MEGF6: variants seen among roughly 807,000 people sequenced by gnomAD.
MEGF6 encodes the protein multiple epidermal growth factor-like domains protein 6.
A neutral mutation model predicts 207.1 loss-of-function variants in MEGF6; 184 were observed. The ratio of observed to expected loss-of-function variants is 0.89; its 90% CI spans 0.79 to 1.00. The LOEUF is 1.00. MEGF6 is among the 50% of genes least tolerant of loss of function. The probability of loss-of-function intolerance (pLI) is 0.00; values close to 1 mark genes in which losing one functional copy is unlikely to be tolerated. For missense variants in MEGF6, 2,282 were observed against 2,202.9 expected, an observed-to-expected ratio of 1.04 and a Z score of -0.72; for synonymous variants, 1,038 against 910.0, an observed-to-expected ratio of 1.14 and a Z score of -2.53.
chr1:3,545,987 G>A (rs577642284), intron 4 of MEGF6, among the ~76,000 whole-genome samples: 5 of 152,276 alleles, frequency 3.3e-5, no homozygotes, highest in Admixed American at 1.3e-4. Flanking sequence ...TGGAGACAGC[G>A]TTGCGTTTGG....
chr1:3,566,636 C>T (rs1237764690), intron 4 of MEGF6, among the ~76,000 whole-genome samples: 1 of 152,166 alleles, frequency 6.6e-6, no homozygotes, highest in Non-Finnish European at 1.5e-5. Flanking sequence ...CGGGGCCCTT[C>T]CCCCAACGCA....
chr1:3,529,041 G>A (rs573420875), intron 4 of MEGF6, among the ~76,000 whole-genome samples: 14 of 152,314 alleles, frequency 9.2e-5, no homozygotes, highest in African/African-American at 3.1e-4. Context: ...CCGGCCCCCC[G>A]ACTCCTGTGC....
At chr1:3,611,013 A>T in intron 1 of MEGF6, 125 bp downstream of exon 1, 1 of 1,242,896 alleles carries the variant, frequency 8.0e-7, no homozygotes, top group Non-Finnish European at 1.0e-6. Context: ...CTCCCCAGTT[A>T]ACGCAAACAG....
At chr1:3,614,262 A>G (rs901911521), upstream of MEGF6, among the ~76,000 whole-genome samples, 1 of 152,162 alleles carries the variant, frequency 6.6e-6, no homozygotes, top group African/African-American at 2.4e-5. Context: ...TCCTCTGCCC[A>G]GCCTGGTACT....
rs1306217468 is a variant in MEGF6 at position 3,512,068 on chromosome 1, C to A, written c.914G>T (p.Gly305Val). 2 of 1,612,622 alleles carry A rather than the reference C, an allele frequency of 1.2e-6. No homozygotes were observed. Among genetic ancestry groups the A allele is most frequent in the Admixed American group, 3.3e-5 (2 of 60,000 alleles). Residue 305 changes from glycine (G) to valine (V), a missense_variant, in exon 8 of 37, where the codon GGG becomes GTG. Gly to Val is a moderately radical substitution (Grantham distance 109). Coordinates refer to ENST00000356575, the MANE Select transcript of MEGF6 (RefSeq NM_001409.4). ...QCAHGCLNTQ[G>V]SFKCVCHAGY... ...CGCGTGACACACGCACTTGAAGGACCCCTGGGTGTTGAGGCAGCCATGGGC... is the reference window on the plus strand; with the variant it reads ...CGCGTGACACACGCACTTGAAGGACACCTGGGTGTTGAGGCAGCCATGGGC...
At position 3,588,847 on chromosome 1, in the gene MEGF6, G is replaced by A. The variant is rs553282425; in HGVS notation, c.376+6491C>T. ...TGTCACCTCTCACAAGGGCCACCAT[G>A]AAGCAGCCCTCACTCCCACCTCTGC... On this transcript the variant is annotated intron_variant, in intron 3 of 36. Coordinates refer to ENST00000356575, the MANE Select transcript of MEGF6 (RefSeq NM_001409.4). Among the ~76,000 whole-genome samples the A allele has an allele frequency of 7.2e-5, 11 of 152,172 alleles. No individual in the cohort carries two copies. In the South Asian group the frequency reaches 2.3e-3, roughly 32 times the overall value.
intron 13 of MEGF6, among the ~76,000 whole-genome samples, chr1:3,508,208 G>T (rs1253787225): frequency 6.6e-6 from 1 of 152,180 alleles, no homozygotes; most frequent in Non-Finnish European, 1.5e-5. Flanking sequence ...ATCTGAGCTA[G>T]AGGAACCCCA....
At chr1:3,492,193 G>A (rs537484584) in intron 35 of MEGF6, among the ~76,000 whole-genome samples, 17 of 152,180 alleles carry the variant, frequency 1.1e-4, no homozygotes, top group Non-Finnish European at 2.2e-4. Context: ...CCTGCTGTAC[G>A]CACTGTTGCA....
At chr1:3,609,134 G>A (rs1459296323) in intron 1 of MEGF6, among the ~76,000 whole-genome samples, 2 of 152,186 alleles carry the variant, frequency 1.3e-5, no homozygotes, top group African/African-American at 2.4e-5. Context: ...GGGAGGACAG[G>A]ATCAGCAGGG....
chr1:3,509,118 T>G lies in MEGF6; in HGVS notation c.1485A>C (p.Glu495Asp), dbSNP rs1641230776. 1 of 1,601,728 alleles carries G rather than the reference T, an allele frequency of 6.2e-7. No homozygotes were observed. Among genetic ancestry groups the G allele is most frequent in the African/African-American group, 1.3e-5 (1 of 74,346 alleles). Residue 495 changes from glutamate (E) to aspartate (D), a missense_variant, in exon 12 of 37, where the codon GAA becomes GAC. Glu to Asp is a conservative substitution (Grantham distance 45). Transcript: ENST00000356575. ...FQDDDVGADE[E>D]EAELRGEHTL... ...TGTGTTCGCCCCGCAACTCTGCCTC[T>G]TCCTCATCGGCCCCGACGTCGTCAT...
the MEGF6 span, chr1:3,623,349 C>T: frequency 6.6e-6 from 1 of 152,364 alleles, no homozygotes; most frequent in Non-Finnish European, 1.5e-5. Context: ...CTCACCAGCA[C>T]CTGTTGGATC....
At chr1:3,582,795 G>T (rs1240915093) in intron 3 of MEGF6, among the ~76,000 whole-genome samples, 1 of 152,118 alleles carries the variant, frequency 6.6e-6, no homozygotes, top group African/African-American at 2.4e-5. Flanking sequence ...CTTCCACAGG[G>T]AGGCTCCCTA....
chr1:3,500,103 T>A (rs949275081), intron 21 of MEGF6, among the ~76,000 whole-genome samples, 179 bp from the exon 22 acceptor site: 1 of 152,148 alleles, frequency 6.6e-6, no homozygotes, highest in Non-Finnish European at 1.5e-5. Flanking sequence ...GGTGGGGCCA[T>A]GGGAGGCTTG....
At chr1:3,603,583 C>T (rs960324636) in intron 1 of MEGF6, among the ~76,000 whole-genome samples, 3 of 152,146 alleles carry the variant, frequency 2.0e-5, no homozygotes, top group African/African-American at 7.2e-5. Context: ...GGGCCGGTGT[C>T]TCCCCTCCAG....
rs144156596 is a variant in MEGF6, at chr1:3,560,330, T to C, written c.481+19495A>G. Among the ~76,000 whole-genome samples, 387 of 152,322 alleles carry C rather than the reference T, an allele frequency of 2.5e-3. 2 individuals carry two copies. Among genetic ancestry groups the C allele is most frequent in the African/African-American group, 8.8e-3 (366 of 41,572 alleles). On this transcript the variant is annotated intron_variant, in intron 4 of 36. Coordinates refer to ENST00000356575, the MANE Select transcript of MEGF6 (RefSeq NM_001409.4). The surrounding 1 kb of genome is among the most constrained non-coding windows in gnomAD (Gnocchi z 4.0). ...CATTGTTGTTAACTGAGTCCAGGGTTCCTTTCAGGGCCCACTAGGGGCTGT... is the reference window on the plus strand; with the variant it reads ...CATTGTTGTTAACTGAGTCCAGGGTCCCTTTCAGGGCCCACTAGGGGCTGT...
intron 4 of MEGF6, among the ~76,000 whole-genome samples, chr1:3,567,968 G>T (rs1643394541): frequency 6.6e-6 from 1 of 151,986 alleles, no homozygotes. Context: ...TCTTCCCAAG[G>T]GTCTCACAGG....
At position 3,496,994 on chromosome 1, in the gene MEGF6, G is replaced by T; in HGVS notation, c.3607C>A (p.Gln1203Lys). The T allele has an allele frequency of 6.5e-7, 1 of 1,549,592 alleles. No individual in the cohort carries two copies. Among genetic ancestry groups the T allele is most frequent in the South Asian group, 1.2e-5 (1 of 84,148 alleles). The change falls in exon 28 of 37, where the codon CAG (glutamine) becomes AAG (lysine). Residue 1203 changes from glutamine to lysine, a missense_variant. Transcript: ENST00000356575. Reference protein sequence around the residue: ...CAAGYHGPSCQQRCPPGRYGP... With the variant: ...CAAGYHGPSCKQRCPPGRYGP... ...GGGCACGGGCAGCACTCACGTTGCT[G>T]GCAGCTGGGGCCGTGGTAGCCAGCA...
intron 4 of MEGF6, among the ~76,000 whole-genome samples, chr1:3,529,410 G>A (rs975585410): frequency 4.6e-5 from 7 of 152,248 alleles, no homozygotes; most frequent in East Asian, 3.8e-4. Context: ...AGCCCCACAC[G>A]GGGCAGGGGG....
intron 17 of MEGF6, among the ~76,000 whole-genome samples, chr1:3,502,218 T>C (rs1439699526): frequency 6.6e-6 from 1 of 151,742 alleles, no homozygotes; most frequent in Non-Finnish European, 1.5e-5. Flanking sequence ...AGCTGACGGA[T>C]GGGAGGAGAG....
Sources: allele counts gnomAD v4.1 joint callset (sites outside exome capture counted in the v4.1 genomes callset), GRCh38; gene constraint gnomAD v4.1.1; non-coding constraint Gnocchi (gnomAD v3.1); transcripts MANE v1.5; gene names NCBI Gene and HGNC (gene_info 2026-07-23, HGNC 2026-07-21).